Variants in ACAN observed in about 807,000 individuals in gnomAD.
The protein encoded by ACAN is aggrecan, also known as aggrecan core protein.
ACAN carries 47 observed loss-of-function variants against 169.1 expected under a neutral mutation model. The ratio of observed to expected loss-of-function variants is 0.28; its 90% confidence interval spans 0.22 to 0.35. The LOEUF (loss-of-function observed/expected upper bound fraction) is 0.35, where lower values mean the gene tolerates loss of function less well. ACAN is among the 10% of genes least tolerant of loss of function. The pLI, the probability that ACAN is intolerant of heterozygous loss-of-function variation, is 1.00. For synonymous variants in ACAN, 1,115 were observed against 1,112.2 expected (o/e 1.00, Z -0.05); for missense variants, 2,716 against 2,759.9 (o/e 0.98, Z 0.36).
At chr15:88,847,501 A>T in intron 8 of ACAN, 84 bp downstream of exon 8, 1 of 1,407,076 alleles carries the variant, frequency 7.1e-7, no homozygotes, top group South Asian at 1.5e-5. Flanking sequence ...CCCCCAGCAC[A>T]CTGAGCACCC....
At chr15:88,837,716 T>G (rs1320537417) in intron 2 of ACAN, among the ~76,000 whole-genome samples, 2 of 152,184 alleles carry the variant, frequency 1.3e-5, no homozygotes, top group Non-Finnish European at 2.9e-5. Context: ...CCAGTGGGAC[T>G]GCCCAGGACA....
chr15:88,836,222 TGG>T lies in ACAN; in HGVS notation c.18_19del (p.Trp6CysfsTer20). ...CAGGTGAACTATGACCACTTTACTC[TGG>T]GTTTTCGTGACTCTGAGGGTCATCA... The part of the protein sequence containing the change: MTTLL[W>X]VFVTLRVITA... On this transcript the variant is annotated frameshift_variant, in exon 2 of 19. Transcript: ENST00000560601. LOFTEE classifies it high-confidence loss of function. 1 of 1,613,902 alleles carries T rather than the reference TGG, an allele frequency of 6.2e-7. No individual in the cohort carries two copies. Among genetic ancestry groups the T allele is most frequent in the Non-Finnish European group, 8.5e-7 (1 of 1,179,844 alleles).
At chr15:88,825,719 A>T (rs1281338173) in intron 1 of ACAN, among the ~76,000 whole-genome samples, 1 of 152,188 alleles carries the variant, frequency 6.6e-6, no homozygotes, top group East Asian at 1.9e-4. Flanking sequence ...GAGAGGCCAG[A>T]GAGGGGAGAG....
At chr15:88,812,318 A>G (rs1327345607) in intron 1 of ACAN, among the ~76,000 whole-genome samples, 1 of 152,174 alleles carries the variant, frequency 6.6e-6, no homozygotes, top group Non-Finnish European at 1.5e-5. Context: ...AGTCACTGCA[A>G]GTACTGCACA....
At chr15:88,808,106 A>G (rs1329244224) in intron 1 of ACAN, among the ~76,000 whole-genome samples, 1 of 152,192 alleles carries the variant, frequency 6.6e-6, no homozygotes, top group East Asian at 1.9e-4. Context: ...GGAGAAACAC[A>G]GGACATGGCA....
In ACAN at chr15:88,858,919, G is replaced by A. The variant is rs758835805; in HGVS notation, c.6334G>A (p.Gly2112Arg). The change falls in exon 12 of 19, where the codon GGG (glycine) becomes AGG (arginine). Residue 2112 changes from glycine (G) to arginine (R), a missense_variant. This residue lies in a region of ACAN where 1,389 missense variants were observed against 1,363.7 expected (regional missense o/e 1.02). Transcript: ENST00000560601. The surrounding 1 kb of genome is among the most constrained non-coding windows in gnomAD (Gnocchi z 4.0). ...ETSAYPEAGF[G>R]ASAAPEASRE... ...GTCCGCCTATCCTGAAGCTGGGTTC[G>A]GGGCATCTGCCGCCCCTGAGGCCAG... is the stretch of plus-strand genomic sequence containing the variant. 3.2e-5 allele frequency: 51 copies of A among 1,609,074 alleles called. No individual in the cohort carries two copies. Among genetic ancestry groups the A allele is most frequent in the South Asian group, 7.7e-5 (7 of 90,870 alleles).
chr15:88,846,517 T>C (rs940525617), intron 7 of ACAN, among the ~76,000 whole-genome samples: 3 of 152,250 alleles, frequency 2.0e-5, no homozygotes, highest in African/African-American at 7.2e-5. Context: ...ACAAGTTGTC[T>C]ATGACTAACT....
Position 88,847,379 on chromosome 15 carries a change from G to C in ACAN, c.1566G>C (p.Glu522Asp). Residue 522 changes from glutamate to aspartate, a missense_variant, in exon 8 of 19, where the codon GAG becomes GAC. This residue lies in a region of ACAN where 1,283 missense variants were observed against 1,281.5 expected (regional missense o/e 1.00). Transcript: ENST00000560601. ...AGGCCGCCTACGAAGCAGGCTATGA[G>C]CAGTGTGACGCCGGCTGGCTGCGGG... is the stretch of plus-strand genomic sequence containing the variant. Reference protein sequence around the residue: ...QLQAAYEAGYEQCDAGWLRDQ... With the variant: ...QLQAAYEAGYDQCDAGWLRDQ... 1 of 1,587,996 alleles carries C rather than the reference G, an allele frequency of 6.3e-7. No individual in the cohort carries two copies. Among genetic ancestry groups the C allele is most frequent in the Non-Finnish European group, 8.6e-7 (1 of 1,166,008 alleles).
At chr15:88,816,706 G>T (rs1329430730) in intron 1 of ACAN, among the ~76,000 whole-genome samples, 1 of 152,170 alleles carries the variant, frequency 6.6e-6, no homozygotes, top group Non-Finnish European at 1.5e-5. Flanking sequence ...CACATACCCT[G>T]ATATCTACCA....
chr15:88,822,472 T>G (rs916934446), intron 1 of ACAN, among the ~76,000 whole-genome samples: 67 of 150,566 alleles, frequency 4.4e-4, no homozygotes, highest in Non-Finnish European at 7.7e-4. Flanking sequence ...ACTACATGTT[T>G]TTTTTTTTTT....
chr15:88,863,539 G>A (rs1011172793), intron 13 of ACAN, among the ~76,000 whole-genome samples: 1 of 152,228 alleles, frequency 6.6e-6, no homozygotes, highest in African/African-American at 2.4e-5. Flanking sequence ...GAAAAATACT[G>A]TTCTAACCAG....
intron 1 of ACAN, among the ~76,000 whole-genome samples, chr15:88,835,429 C>CAG (rs755515420): frequency 2.0e-5 from 3 of 151,560 alleles, no homozygotes; most frequent in Non-Finnish European, 2.9e-5. Flanking sequence ...ACACGAGAGA[C>CAG]AGAGAGAGAG....
intron 1 of ACAN, among the ~76,000 whole-genome samples, chr15:88,833,575 A>G (rs1386611061): frequency 6.6e-6 from 1 of 152,196 alleles, no homozygotes; most frequent in African/African-American, 2.4e-5. Flanking sequence ...GAAGCCAGAC[A>G]GAATGGAATT....
chr15:88,830,423 A>T (rs954941493), intron 1 of ACAN, among the ~76,000 whole-genome samples: 1 of 152,214 alleles, frequency 6.6e-6, no homozygotes, highest in African/African-American at 2.4e-5. Flanking sequence ...AAGTGTACTT[A>T]CACAAACCTG....
chr15:88,843,455 C>G lies in ACAN; in HGVS notation c.858C>G (p.Leu286=). ...CCCGGCTGGCCACCACGGGCCAGCTCTACCTGGCCTGGCAGGCTGGCATGG... is the reference window on the plus strand; with the variant it reads ...CCCGGCTGGCCACCACGGGCCAGCTGTACCTGGCCTGGCAGGCTGGCATGG... The part of the protein sequence containing the change: ...LGARLATTGQ[L]YLAWQAGMDM... Residue 286 remains leucine, a synonymous_variant, in exon 6 of 19, where the codon CTC becomes CTG. Coordinates refer to ENST00000560601, the MANE Select transcript of ACAN (RefSeq NM_001369268.1). This position sits in a 1 kb window ranked among gnomAD's most constrained non-coding sequence, Gnocchi z 4.0. 1 of 1,611,326 alleles carries G rather than the reference C, an allele frequency of 6.2e-7. No individual in the cohort carries two copies. The highest frequency in any genetic ancestry group is 8.5e-7 in the Non-Finnish European group (1 of 1,178,654).
chr15:88,871,854 C>T lies in ACAN; in HGVS notation c.7220-149C>T, dbSNP rs1897387262. ...CTCCAGGCATGCACGTGCTGAGCCT[C>T]TTGTGAGGACCTGAGAAGCACGTGC... is the stretch of plus-strand genomic sequence containing the variant. On this transcript the variant is annotated intron_variant, in intron 15 of 18. Transcript: ENST00000560601. The surrounding 1 kb of genome is among the most constrained non-coding windows in gnomAD (Gnocchi z 7.8). The T allele has an allele frequency of 1.2e-5, 9 of 764,600 alleles. No homozygotes were observed. The highest frequency in any genetic ancestry group is 2.0e-5 in the Non-Finnish European group (9 of 449,366). The allele number at this position is 764,600 out of a possible 1,614,324, so 47.4% of individuals were successfully genotyped here.
chr15:88,865,861 A>G (rs896389298), intron 13 of ACAN, among the ~76,000 whole-genome samples: 1 of 152,152 alleles, frequency 6.6e-6, no homozygotes, highest in Non-Finnish European at 1.5e-5. Context: ...AGCTAATAAG[A>G]AAGCCCCACA....
intron 1 of ACAN, among the ~76,000 whole-genome samples, chr15:88,819,755 G>A (rs1296912254): frequency 6.6e-6 from 1 of 151,982 alleles, no homozygotes; most frequent in African/African-American, 2.4e-5. Flanking sequence ...GACACAGCAA[G>A]ACCCTATCTC....
Position 88,838,806 on chromosome 15 carries a change from A to G in ACAN, c.214A>G (p.Arg72Gly), listed in dbSNP as rs1443393833. 6.2e-7 allele frequency: 1 copy of G among 1,614,042 alleles called. No homozygotes were observed. The highest frequency in any genetic ancestry group is 1.7e-5 in the Admixed American group (1 of 60,030). ...CCCTTCTACCGCCCCACTGGCCCCA[A>G]GAATCAAGTGGAGCCGTGTGTCCAA... Reference protein sequence around the residue: ...TAPSTAPLAPRIKWSRVSKEK... With the variant: ...TAPSTAPLAPGIKWSRVSKEK... The change falls in exon 3 of 19, where the codon AGA becomes GGA. Residue 72 changes from arginine (R) to glycine (G), a missense_variant. By Grantham distance (125) the Arg-to-Gly change is moderately radical (BLOSUM62 -2). Transcript: ENST00000560601. The surrounding 1 kb of genome is among the most constrained non-coding windows in gnomAD (Gnocchi z 5.1).
Sources: allele counts gnomAD v4.1 joint callset (sites outside exome capture counted in the v4.1 genomes callset), GRCh38; gene constraint gnomAD v4.1.1; regional missense constraint gnomAD v4.1.1; non-coding constraint Gnocchi (gnomAD v3.1); transcripts MANE v1.5; gene names NCBI Gene and HGNC (gene_info 2026-07-23, HGNC 2026-07-21).